PCSK5: variants seen among roughly 807,000 people sequenced by gnomAD.
PCSK5 encodes prohormone convertase 5.
A neutral mutation model predicts 233.2 loss-of-function variants in PCSK5; 129 were observed. The observed-to-expected ratio is 0.55, with a 90% CI of 0.48 to 0.64. The LOEUF (loss-of-function observed/expected upper bound fraction) is 0.64. Among genes scored for constraint, PCSK5 ranks in the 30% least tolerant of loss-of-function variants. PCSK5 has a pLI of 0.00. For missense variants in PCSK5, 2,076 were observed against 2,430.1 expected (o/e 0.85, Z 3.06); for synonymous variants, 825 against 879.2 (o/e 0.94, Z 1.09).
intron 10 of PCSK5, among the ~76,000 whole-genome samples, chr9:76,154,071 A>C (rs995221116): frequency 2.6e-5 from 4 of 152,214 alleles, no homozygotes; most frequent in Non-Finnish European, 4.4e-5. Flanking sequence ...ATTTTGAGGG[A>C]GTTCCTCTGC....
intron 16 of PCSK5, among the ~76,000 whole-genome samples, chr9:76,182,070 A>C (rs1038954050): frequency 6.6e-6 from 1 of 152,204 alleles, no homozygotes; most frequent in African/African-American, 2.4e-5. Flanking sequence ...CAGAGTCTTC[A>C]AAGGAAAATA....
At chr9:76,054,149 C>G (rs2050834) in intron 5 of PCSK5, among the ~76,000 whole-genome samples, 1 of 152,016 alleles carries the variant, frequency 6.6e-6, no homozygotes, top group African/African-American at 2.4e-5. Context: ...GAAAAACCCA[C>G]CCCCATGATT....
At chr9:76,148,299 C>G (rs1194578681) in intron 10 of PCSK5, among the ~76,000 whole-genome samples, 1 of 150,344 alleles carries the variant, frequency 6.7e-6, no homozygotes, top group Non-Finnish European at 1.5e-5. Context: ...TTAGCCATTC[C>G]CTGAAGTCTG....
chr9:76,077,069 T>G (rs1479390508), intron 7 of PCSK5, among the ~76,000 whole-genome samples: 1 of 152,202 alleles, frequency 6.6e-6, no homozygotes, highest in Non-Finnish European at 1.5e-5. Flanking sequence ...AAATTCAGCC[T>G]AGCCAAAGAA....
chr9:76,075,883 G>A (rs1035624790), intron 7 of PCSK5, among the ~76,000 whole-genome samples: 2 of 152,180 alleles, frequency 1.3e-5, no homozygotes, highest in African/African-American at 4.8e-5. Flanking sequence ...TGTAGATAAA[G>A]GGGTGAAAAA....
intron 17 of PCSK5, among the ~76,000 whole-genome samples, chr9:76,186,532 G>A (rs73458398): frequency 1.1e-3 from 170 of 152,258 alleles, no homozygotes; most frequent in African/African-American, 4.0e-3. Context: ...GAACAGAGGC[G>A]TTCACAATAC....
chr9:76,192,158 C>T (rs1168043876), intron 20 of PCSK5, among the ~76,000 whole-genome samples: 1 of 151,688 alleles, frequency 6.6e-6, no homozygotes, highest in Admixed American at 6.6e-5. Flanking sequence ...TGGTACCAGG[C>T]ATTTCAAGAG....
intron 9 of PCSK5, among the ~76,000 whole-genome samples, chr9:76,132,632 G>T (rs1247079369): frequency 6.6e-6 from 1 of 152,042 alleles, no homozygotes; most frequent in African/African-American, 2.4e-5. Context: ...AATAAGAGCT[G>T]TGGATGCAAA....
chr9:76,063,333 T>C (rs1161376445), intron 5 of PCSK5, among the ~76,000 whole-genome samples: 11 of 137,620 alleles, frequency 8.0e-5, no homozygotes, highest in South Asian at 4.9e-4. Flanking sequence ...TTTTTTTTTT[T>C]TTTTTTTTTT....
chr9:76,314,492 G>T (rs866548490), intron 30 of PCSK5, among the ~76,000 whole-genome samples: 1 of 152,044 alleles, frequency 6.6e-6, no homozygotes, highest in Admixed American at 6.6e-5. Flanking sequence ...CACCCTTTTG[G>T]GTGTGATCCA....
At chr9:76,204,975 C>T (rs1825055907) in intron 20 of PCSK5, among the ~76,000 whole-genome samples, 1 of 152,088 alleles carries the variant, frequency 6.6e-6, no homozygotes, top group African/African-American at 2.4e-5. Context: ...TAGCTGAGCA[C>T]AGGAGGAGAA....
At chr9:76,315,160 G>A (rs957361895) in intron 30 of PCSK5, among the ~76,000 whole-genome samples, 1 of 151,850 alleles carries the variant, frequency 6.6e-6, no homozygotes, top group Non-Finnish European at 1.5e-5. Flanking sequence ...CACCACGTTG[G>A]CCAGGCTGGT....
intron 15 of PCSK5, 149 bp from the exon 16 acceptor site, chr9:76,181,249 A>G (rs1025778816): frequency 1.6e-6 from 1 of 632,384 alleles, no homozygotes; most frequent in African/African-American, 1.9e-5. Flanking sequence ...AGTTTAACAA[A>G]CAATCTGGCT....
intron 24 of PCSK5, among the ~76,000 whole-genome samples, chr9:76,242,495 AG>A (rs1564130330): frequency 6.6e-6 from 1 of 152,196 alleles, no homozygotes; most frequent in Non-Finnish European, 1.5e-5. Flanking sequence ...GATAAAATTT[AG>A]AGTCAGATAT....
At chr9:76,240,987 G>C (rs1208297453) in intron 24 of PCSK5, among the ~76,000 whole-genome samples, 18 of 152,204 alleles carry the variant, frequency 1.2e-4, no homozygotes, top group Non-Finnish European at 2.6e-4. Flanking sequence ...CCGCATTTCA[G>C]GTGCCTGAGA....
intron 14 of PCSK5, among the ~76,000 whole-genome samples, chr9:76,176,322 C>A (rs1587720797): frequency 6.6e-6 from 1 of 152,050 alleles, no homozygotes. Context: ...GTTCTTATAC[C>A]AGCATCTTTT....
At chr9:75,978,431 A>T (rs930662631) in intron 2 of PCSK5, among the ~76,000 whole-genome samples, 2 of 152,240 alleles carry the variant, frequency 1.3e-5, no homozygotes, top group Non-Finnish European at 2.9e-5. Flanking sequence ...TTTACAAATG[A>T]GAGTATAGAA....
At chr9:76,162,984 G>A (rs1242585646) in intron 12 of PCSK5, among the ~76,000 whole-genome samples, 1 of 152,176 alleles carries the variant, frequency 6.6e-6, no homozygotes, top group Non-Finnish European at 1.5e-5. Flanking sequence ...CCAGAATCTG[G>A]AGGCTCACTT....
chr9:76,143,301 G>A (rs909058228), intron 10 of PCSK5, among the ~76,000 whole-genome samples: 2 of 152,022 alleles, frequency 1.3e-5, no homozygotes, highest in Non-Finnish European at 2.9e-5. Flanking sequence ...GGTGTGATGA[G>A]GAAAGTAATC....
Sources: allele counts gnomAD v4.1 joint callset (sites outside exome capture counted in the v4.1 genomes callset), GRCh38; gene constraint gnomAD v4.1.1; transcripts MANE v1.5; gene names NCBI Gene and HGNC (gene_info 2026-07-23, HGNC 2026-07-21).